Variants in CLIC5 observed in about 807,000 individuals in gnomAD.
The protein encoded by CLIC5 is CLIC family member 5, also known as chloride intracellular channel protein 5.
Under a neutral mutation model 24.7 loss-of-function variants are expected in CLIC5, and 20 were observed. The ratio of observed to expected loss-of-function variants is 0.81; its 90% confidence interval spans 0.57 to 1.18. The LOEUF is 1.18. Ranked by LOEUF, CLIC5 falls within the 50% of genes most tolerant of loss-of-function variation. The probability of loss-of-function intolerance (pLI) is 0.00; values close to 1 mark genes in which losing one functional copy is unlikely to be tolerated. For missense variants in CLIC5, 341 were observed against 326.1 expected (o/e 1.05, Z -0.35); for synonymous variants, 159 against 135.6 (o/e 1.17, Z -1.20).
chr6:45,979,205 C>T (rs1453740678), intron 1 of CLIC5, among the ~76,000 whole-genome samples: 1 of 152,180 alleles, frequency 6.6e-6, no homozygotes, highest in Non-Finnish European at 1.5e-5. Context: ...TTATATCTCA[C>T]AGTGCCATGA....
At chr6:45,987,021 T>C (rs1218844402) in intron 1 of CLIC5, among the ~76,000 whole-genome samples, 2 of 152,156 alleles carry the variant, frequency 1.3e-5, no homozygotes, top group East Asian at 3.8e-4. Context: ...TCAGTGTGCC[T>C]CTTGTGTTGC....
chr6:45,916,419 ATTTG>A (rs1332585618), intron 4 of CLIC5, among the ~76,000 whole-genome samples: 1 of 152,194 alleles, frequency 6.6e-6, no homozygotes, highest in Non-Finnish European at 1.5e-5. Context: ...CTTGTGATTT[ATTTG>A]TTTGCTTGCT....
At chr6:45,912,358 G>A (rs1762853217) in intron 5 of CLIC5, 10 of 1,031,940 alleles carry the variant, frequency 9.7e-6, no homozygotes, top group South Asian at 3.8e-5. Flanking sequence ...TTTCTCCAAG[G>A]ACAGGGCTTC....
chr6:45,887,398 C>T (rs116141144), intron 6 of CLIC5, among the ~76,000 whole-genome samples: 54 of 152,274 alleles, frequency 3.5e-4, no homozygotes, highest in African/African-American at 1.3e-3. Flanking sequence ...TGTCTTCACA[C>T]GGCTGTCTTC....
the CLIC5 span, among the ~76,000 whole-genome samples, chr6:46,115,116 T>G: frequency 6.6e-6 from 1 of 152,134 alleles, no homozygotes; most frequent in African/African-American, 2.4e-5. Flanking sequence ...GACCTCTGGT[T>G]GAGAGCTTAG....
chr6:46,003,915 C>G (rs1766447653), intron 1 of CLIC5, among the ~76,000 whole-genome samples: 3 of 152,280 alleles, frequency 2.0e-5, no homozygotes, highest in South Asian at 4.2e-4. Flanking sequence ...TTGTATAGAG[C>G]AACCCATCAT....
At chr6:45,991,903 T>G (rs1765956065) in intron 1 of CLIC5, among the ~76,000 whole-genome samples, 1 of 152,194 alleles carries the variant, frequency 6.6e-6, no homozygotes, top group Admixed American at 6.5e-5. Context: ...TTTTAAAAAA[T>G]TAGACTTTAA....
chr6:45,891,880 T>C (rs900201120), intron 6 of CLIC5, among the ~76,000 whole-genome samples: 1 of 152,208 alleles, frequency 6.6e-6, no homozygotes, highest in African/African-American at 2.4e-5. Flanking sequence ...AATGTACAAC[T>C]GTACGATGAA....
chr6:45,952,935 G>A lies in CLIC5; in HGVS notation c.173+2200C>T, dbSNP rs73735489. On this transcript the variant is annotated intron_variant, in intron 2 of 5. Coordinates refer to ENST00000339561, the MANE Select transcript of CLIC5 (RefSeq NM_016929.5). ...GACATTAATTGCATAGTGGATGCAA[G>A]TTCATTTATTTGACAGATAGTATTT... is the stretch of plus-strand genomic sequence containing the variant. Among the ~76,000 whole-genome samples the A allele has an allele frequency of 5.7e-3, 867 of 152,300 alleles. 10 individuals are homozygous for A. Among genetic ancestry groups the A allele is most frequent in the African/African-American group, 0.019 (797 of 41,550 alleles).
chr6:45,941,486 A>G (rs904165972), intron 4 of CLIC5, 61 bp downstream of exon 4: 55 of 1,273,512 alleles, frequency 4.3e-5, no homozygotes, highest in Non-Finnish European at 6.2e-5. Flanking sequence ...GGCAAATTGA[A>G]GATGCCTTGG....
intron 6 of CLIC5, among the ~76,000 whole-genome samples, chr6:45,888,079 T>G (rs1762320606): frequency 6.6e-6 from 1 of 152,158 alleles, no homozygotes; most frequent in Non-Finnish European, 1.5e-5. Context: ...GAATGTTGGG[T>G]GTTAACAGAA....
intron 4 of CLIC5, among the ~76,000 whole-genome samples, chr6:45,923,908 C>T (rs142159657): frequency 4.6e-5 from 7 of 152,292 alleles, no homozygotes; most frequent in Non-Finnish European, 7.4e-5. Flanking sequence ...GTTGCTTAAC[C>T]GGTGCTTGTT....
chr6:46,120,706 A>G, the CLIC5 span, among the ~76,000 whole-genome samples: 1 of 152,200 alleles, frequency 6.6e-6, no homozygotes, highest in African/African-American at 2.4e-5. Context: ...TGAATGGCTA[A>G]CTAGAATAAC....
In CLIC5 at chr6:46,073,568, A is replaced by G. The variant is rs1762679447; in HGVS notation, c.540+6135T>C. ...GTTCTGTTCTAGCTGGTAGGTGGAA[A>G]TTCTTTTTAATTTGCTTGCTGTCCT... is the stretch of plus-strand genomic sequence containing the variant. On this transcript the variant is annotated intron_variant, in intron 1 of 5. Transcript: ENST00000185206. 3.3e-5 allele frequency among the ~76,000 whole-genome samples: 5 copies of G among 152,236 alleles called. No homozygotes were observed. In the South Asian group the frequency reaches 1.0e-3, roughly 31 times the overall value.
the CLIC5 span, among the ~76,000 whole-genome samples, chr6:46,096,555 C>T: frequency 6.6e-6 from 1 of 152,204 alleles, no homozygotes; most frequent in East Asian, 1.9e-4. Flanking sequence ...AGGCCTCAGA[C>T]TTTTGCCACC....
chr6:45,989,042 G>A (rs1431981217), intron 1 of CLIC5, among the ~76,000 whole-genome samples: 1 of 152,212 alleles, frequency 6.6e-6, no homozygotes, highest in African/African-American at 2.4e-5. Context: ...GGCTAGAACT[G>A]CTCTGTAGCC....
intron 1 of CLIC5, among the ~76,000 whole-genome samples, chr6:46,064,274 T>C: frequency 6.6e-6 from 1 of 152,056 alleles, no homozygotes; most frequent in Non-Finnish European, 1.5e-5. Flanking sequence ...ATCTATTAAA[T>C]TCACTGAATT....
intron 1 of CLIC5, among the ~76,000 whole-genome samples, chr6:45,994,146 T>C (rs1472006045): frequency 6.6e-6 from 1 of 151,954 alleles, no homozygotes; most frequent in Non-Finnish European, 1.5e-5. Flanking sequence ...GCTGACCAGA[T>C]GGGAATTCAA....
chr6:45,991,901 A>C (rs1159334570), intron 1 of CLIC5, among the ~76,000 whole-genome samples: 1 of 152,208 alleles, frequency 6.6e-6, no homozygotes, highest in African/African-American at 2.4e-5. Flanking sequence ...ATTTTTAAAA[A>C]ATTAGACTTT....
Sources: gnomAD v4.1 joint callset for allele counts (sites outside exome capture counted in the v4.1 genomes callset) on GRCh38, gnomAD v4.1.1 for gene constraint, MANE v1.5 for transcripts, NCBI Gene and HGNC (gene_info 2026-07-23, HGNC 2026-07-21) for gene names.